Variants in RAB3GAP1 observed in about 807,000 individuals in gnomAD.
RAB3GAP1 encodes RAB3 GTPase activating protein catalytic subunit 1.
A neutral mutation model predicts 130.7 loss-of-function variants in RAB3GAP1; 86 were observed. The ratio of observed to expected loss-of-function variants is 0.66; its 90% CI spans 0.55 to 0.79. The LOEUF is 0.79. Among genes scored for constraint, RAB3GAP1 ranks in the 30% least tolerant of loss-of-function variants. The pLI is 0.00. For missense variants in RAB3GAP1, 1,029 were observed against 1,169.4 expected, an observed-to-expected ratio of 0.88 and a Z score of 1.75; for synonymous variants, 367 against 401.7, an observed-to-expected ratio of 0.91 and a Z score of 1.03.
chr2:135,133,757 A>T, intron 14 of RAB3GAP1, 104 bp from the exon 15 acceptor site: 1 of 962,298 alleles, frequency 1.0e-6, no homozygotes. Context: ...TTTAGGTGGG[A>T]TAGGTTAATT....
intron 4 of RAB3GAP1, among the ~76,000 whole-genome samples, chr2:135,091,871 T>A (rs1394748077): frequency 2.0e-5 from 3 of 152,210 alleles, no homozygotes; most frequent in Non-Finnish European, 4.4e-5. Flanking sequence ...AGATACTGAA[T>A]AAACATGAAC....
chr2:135,140,178 C>A (rs960116420), intron 17 of RAB3GAP1, among the ~76,000 whole-genome samples: 1 of 152,090 alleles, frequency 6.6e-6, no homozygotes, highest in Non-Finnish European at 1.5e-5. Context: ...TCACTTTGGG[C>A]TAATATGAAT....
chr2:135,155,120 T>G (rs761675520), intron 19 of RAB3GAP1, among the ~76,000 whole-genome samples: 1 of 152,030 alleles, frequency 6.6e-6, no homozygotes, highest in Non-Finnish European at 1.5e-5. Context: ...TTAAGGAGGA[T>G]ATGAAAAAAC....
chr2:135,081,369 C>T (rs1399545004), intron 3 of RAB3GAP1, among the ~76,000 whole-genome samples: 20 of 85,630 alleles, frequency 2.3e-4, no homozygotes, highest in African/African-American at 8.8e-4. Flanking sequence ...TATACACACA[C>T]GTGTGTGTGT....
chr2:135,079,373 C>G (rs776242470), intron 3 of RAB3GAP1, among the ~76,000 whole-genome samples: 9 of 152,172 alleles, frequency 5.9e-5, no homozygotes, highest in Non-Finnish European at 1.2e-4. Flanking sequence ...TTTTCTCCTT[C>G]TAGTGTGTTC....
chr2:135,127,720 T>C (rs1691398553), intron 11 of RAB3GAP1, among the ~76,000 whole-genome samples: 1 of 152,256 alleles, frequency 6.6e-6, no homozygotes, highest in Non-Finnish European at 1.5e-5. Flanking sequence ...TTTTCTGATA[T>C]GGGAAAAGAA....
At chr2:135,052,557 G>A (rs1230445885) in intron 2 of RAB3GAP1, 72 bp downstream of exon 2, 1 of 1,555,220 alleles carries the variant, frequency 6.4e-7, no homozygotes, top group African/African-American at 1.4e-5. Flanking sequence ...CCTGACCCCA[G>A]ACACACCACA....
chr2:135,082,902 A>G (rs1689868040), intron 3 of RAB3GAP1, among the ~76,000 whole-genome samples: 5 of 152,172 alleles, frequency 3.3e-5, no homozygotes, highest in Admixed American at 3.3e-4. Flanking sequence ...AAATTCCTGG[A>G]TGCTCAAGTC....
At chr2:135,067,775 A>C (rs548485500) in intron 3 of RAB3GAP1, among the ~76,000 whole-genome samples, 2 of 152,224 alleles carry the variant, frequency 1.3e-5, no homozygotes, top group Admixed American at 1.3e-4. Flanking sequence ...TACCCACGCT[A>C]GAGTGCGGTG....
At chr2:135,077,185 G>A (rs959754355) in intron 3 of RAB3GAP1, among the ~76,000 whole-genome samples, 1 of 151,944 alleles carries the variant, frequency 6.6e-6, no homozygotes, top group African/African-American at 2.4e-5. Context: ...CAGGAGAATT[G>A]CTTGAACCTG....
chr2:135,075,477 A>G (rs1689605544), intron 3 of RAB3GAP1, among the ~76,000 whole-genome samples: 1 of 152,170 alleles, frequency 6.6e-6, no homozygotes, highest in African/African-American at 2.4e-5. Context: ...TGCAAGATAG[A>G]ACATAAACAT....
chr2:135,112,702 A>G (rs1690840612), intron 5 of RAB3GAP1, among the ~76,000 whole-genome samples: 1 of 152,198 alleles, frequency 6.6e-6, no homozygotes, highest in Admixed American at 6.5e-5. Context: ...GGCAACAATA[A>G]CATCAATATT....
intron 4 of RAB3GAP1, among the ~76,000 whole-genome samples, chr2:135,092,908 A>G (rs1471430597): frequency 2.0e-5 from 3 of 152,242 alleles, no homozygotes; most frequent in African/African-American, 7.2e-5. Context: ...ATCAGAGGTC[A>G]GGAGATTTGA....
At chr2:135,138,234 C>G (rs1691733346) in intron 17 of RAB3GAP1, among the ~76,000 whole-genome samples, 1 of 148,768 alleles carries the variant, frequency 6.7e-6, no homozygotes, top group Non-Finnish European at 1.5e-5. Flanking sequence ...TGCTTGAGCC[C>G]AGGAATTCAA....
intron 3 of RAB3GAP1, among the ~76,000 whole-genome samples, chr2:135,063,843 T>C (rs1464548514): frequency 3.3e-5 from 5 of 152,194 alleles, no homozygotes; most frequent in African/African-American, 1.2e-4. Flanking sequence ...TACCCAGAAG[T>C]GGAATTGCTG....
At chr2:135,078,702 C>G (rs1574088859) in intron 3 of RAB3GAP1, among the ~76,000 whole-genome samples, 1 of 111,500 alleles carries the variant, frequency 9.0e-6, no homozygotes, top group African/African-American at 3.8e-5. Flanking sequence ...GCCCTCCCCT[C>G]CCCTCTCCTT....
intron 3 of RAB3GAP1, 62 bp from the exon 4 acceptor site, chr2:135,090,936 A>G (rs1264879441): frequency 6.9e-7 from 1 of 1,457,490 alleles, no homozygotes; most frequent in African/African-American, 1.4e-5. Flanking sequence ...CCCTGTCGTT[A>G]GTAAATATAA....
intron 5 of RAB3GAP1, among the ~76,000 whole-genome samples, chr2:135,094,916 T>C (rs1558772804): frequency 6.6e-6 from 1 of 152,266 alleles, no homozygotes; most frequent in Non-Finnish European, 1.5e-5. Context: ...ATTGTGTATA[T>C]GTACCACATT....
chr2:135,056,349 C>T (rs977014039), intron 2 of RAB3GAP1, among the ~76,000 whole-genome samples: 1 of 151,986 alleles, frequency 6.6e-6, no homozygotes, highest in Admixed American at 6.6e-5. Flanking sequence ...ATTACAGGTG[C>T]CTGCCACCGC....
Sources: allele counts gnomAD v4.1 joint callset (sites outside exome capture counted in the v4.1 genomes callset), GRCh38; gene constraint gnomAD v4.1.1; transcripts MANE v1.5; gene names NCBI Gene and HGNC (gene_info 2026-07-23, HGNC 2026-07-21).